AKAP13: variants seen among roughly 807,000 people sequenced by gnomAD.
AKAP13 encodes A-kinase anchoring protein 13.
AKAP13 carries 80 observed loss-of-function variants against 264.5 expected under a neutral mutation model. That is an observed-to-expected ratio of 0.30 (90% CI 0.25 to 0.36). The LOEUF is 0.36. Among genes scored for constraint, AKAP13 ranks in the 10% least tolerant of loss-of-function variants. The pLI is 1.00. For synonymous variants in AKAP13, 1,380 were observed against 1,250.2 expected (o/e 1.10, Z -2.19); for missense variants, 3,712 against 3,435.2 (o/e 1.08, Z -2.01).
In AKAP13 at chr15:85,727,869, C is replaced by T. The variant is rs535787374; in HGVS notation, c.7087+406C>T. ...GATTTAATCCTCCCCCAGTCCCTAG[C>T]GTTATCACTTATCCGCATGTTTACA... On this transcript the variant is annotated intron_variant, in intron 29 of 36. Transcript: ENST00000394518. The surrounding 1 kb of genome is among the most constrained non-coding windows in gnomAD (Gnocchi z 5.3). 3.3e-5 allele frequency among the ~76,000 whole-genome samples: 5 copies of T among 152,180 alleles called. No individual in the cohort carries two copies. The highest frequency in any genetic ancestry group is 2.0e-4 in the Admixed American group (3 of 15,278).
intron 1 of AKAP13, among the ~76,000 whole-genome samples, chr15:85,416,882 A>G (rs1039203175): frequency 2.0e-5 from 3 of 152,286 alleles, no homozygotes; most frequent in South Asian, 2.1e-4. Flanking sequence ...GGTTCTTAAA[A>G]TTGTTCTGTA....
At chr15:85,582,944 T>C (rs1221283127) in intron 7 of AKAP13, 2 of 985,324 alleles carry the variant, frequency 2.0e-6, no homozygotes, top group Non-Finnish European at 1.2e-6. Context: ...TGGGTAACCA[T>C]GTTCCGAGGC....
chr15:85,387,644 C>T (rs2070643253), intron 1 of AKAP13, among the ~76,000 whole-genome samples: 2 of 149,512 alleles, frequency 1.3e-5, no homozygotes, highest in Middle Eastern at 6.9e-3. Flanking sequence ...TTTTGATTGG[C>T]ATTGTGTTGA....
intron 16 of AKAP13, among the ~76,000 whole-genome samples, chr15:85,685,679 A>G (rs2084871119): frequency 6.6e-6 from 1 of 152,160 alleles, no homozygotes; most frequent in African/African-American, 2.4e-5. Flanking sequence ...TTGTTTGTAA[A>G]GATGAAGTCT....
intron 7 of AKAP13, among the ~76,000 whole-genome samples, chr15:85,582,507 A>G (rs749754020): frequency 4.6e-5 from 7 of 152,174 alleles, no homozygotes; most frequent in Non-Finnish European, 8.8e-5. Flanking sequence ...TGTTTTATCT[A>G]CAAGCCTGAA....
chr15:85,490,451 C>T (rs568160942), intron 2 of AKAP13, among the ~76,000 whole-genome samples: 10 of 152,284 alleles, frequency 6.6e-5, no homozygotes, highest in East Asian at 3.9e-4. Context: ...GAAGTGAAAT[C>T]GTTTGAGTCT....
intron 21 of AKAP13, 23 bp downstream of exon 21, chr15:85,717,425 A>C (rs757372353): frequency 6.6e-7 from 1 of 1,523,984 alleles, no homozygotes; most frequent in Middle Eastern, 1.7e-4. Flanking sequence ...TATGGCCTTT[A>C]TTTTATGCCT....
rs756513793 is a variant in AKAP13 at position 85,579,665 on chromosome 15, G to T, written c.1597G>T (p.Val533Phe). 3.7e-6 allele frequency: 6 copies of T among 1,614,076 alleles called. No individual in the cohort carries two copies. The highest frequency in any genetic ancestry group is 5.1e-6 in the Non-Finnish European group (6 of 1,180,036). ...VTSKPVDKIS[V>F]PNCAPAASSL... is the part of the protein sequence containing the mutation. ...AAGTAAGCCTGTGGATAAAATCAGT[G>T]TTCCAAACTGTGCCCCTGCTGCCAG... Residue 533 changes from valine (V) to phenylalanine (F), a missense_variant, in exon 7 of 37, where the codon GTT becomes TTT. Val to Phe is a conservative substitution (Grantham distance 50). This residue lies in a region of AKAP13 where 2,759 missense variants were observed against 2,411.7 expected (regional missense o/e 1.14). Transcript: ENST00000394518.
At chr15:85,730,874 C>T (rs191351307) in intron 30 of AKAP13, among the ~76,000 whole-genome samples, 167 bp downstream of exon 30, 6 of 152,284 alleles carry the variant, frequency 3.9e-5, no homozygotes, top group Admixed American at 2.6e-4. Flanking sequence ...CTTTTAACCA[C>T]TACTCACATC....
intron 1 of AKAP13, among the ~76,000 whole-genome samples, chr15:85,411,729 G>T (rs766175557): frequency 1.3e-5 from 2 of 152,170 alleles, no homozygotes; most frequent in Non-Finnish European, 2.9e-5. Flanking sequence ...GAGCCACCGC[G>T]CCCGGCCAAC....
chr15:85,415,376 A>G, intron 1 of AKAP13: 1 of 1,597,738 alleles, frequency 6.3e-7, no homozygotes, highest in Non-Finnish European at 8.6e-7. Context: ...GTGATGGCAA[A>G]AACCTCACCA....
At chr15:85,607,407 CTT>C (rs937703296) in intron 8 of AKAP13, among the ~76,000 whole-genome samples, 1 of 152,148 alleles carries the variant, frequency 6.6e-6, no homozygotes, top group South Asian at 2.1e-4. Flanking sequence ...TAAATACCTC[CTT>C]TTAAAAAATA....
At chr15:85,709,563 A>G (rs1027803414) in intron 18 of AKAP13, among the ~76,000 whole-genome samples, 1 of 152,152 alleles carries the variant, frequency 6.6e-6, no homozygotes, top group African/African-American at 2.4e-5. Context: ...GTGATCTCTG[A>G]TAAGACTCAA....
Position 85,575,287 on chromosome 15 carries a change from T to C in AKAP13, c.819T>C (p.Thr273=), listed in dbSNP as rs1425012166. The change falls in exon 6 of 37, where the codon ACT becomes ACC. Residue 273 remains threonine, a synonymous_variant. Transcript: ENST00000394518. The part of the protein sequence containing the change: ...HEHPFPGDGC[T]GPIFKLMNIQ... ...ACCCATTTCCTGGAGACGGTTGCAC[T>C]GGACCAATTTTTAAACTTATGAACA... 1.2e-6 allele frequency: 2 copies of C among 1,614,190 alleles called. No individual in the cohort carries two copies.
chr15:85,682,009 C>CT (rs1416096083), intron 14 of AKAP13, 149 bp from the exon 15 acceptor site: 1 of 687,768 alleles, frequency 1.5e-6, no homozygotes. Context: ...ATTTTTCCTT[C>CT]TTTCAAACCT....
intron 1 of AKAP13, among the ~76,000 whole-genome samples, chr15:85,418,049 TATTATTATTATTATTATC>T (rs1465840151): frequency 2.1e-5 from 3 of 143,526 alleles, no homozygotes; most frequent in East Asian, 2.0e-4. Flanking sequence ...CTTCATTATT[TATTATTATTATTATTATC>T]ATTATTATTA....
rs957252451 is a variant in AKAP13 at position 85,745,390 on chromosome 15, G to C, written c.*713G>C. On this transcript the variant is annotated 3_prime_UTR_variant, in exon 37 of 37. Coordinates refer to ENST00000394518, the MANE Select transcript of AKAP13 (RefSeq NM_007200.5). ...TAAAAGACGTGATGTGCACCACCTC[G>C]ATCTCGGTGTTTCAGGCACTAAAGC... 6.6e-6 allele frequency: 1 copy of C among 152,130 alleles called. No individual in the cohort carries two copies. The highest frequency in any genetic ancestry group is 2.4e-5 in the African/African-American group (1 of 41,416). 9.4% of individuals were successfully genotyped at this position (152,130 alleles called of 1,614,324 possible). A position where few individuals can be genotyped will look rare whatever the true frequency, so the allele number is the denominator to read the frequency against.
intron 13 of AKAP13, among the ~76,000 whole-genome samples, chr15:85,665,889 A>G (rs1372322320): frequency 6.6e-6 from 1 of 152,178 alleles, no homozygotes; most frequent in Non-Finnish European, 1.5e-5. Context: ...ATAGTATTCC[A>G]TGGTGTATAT....
rs756619822 is a variant in AKAP13, at chr15:85,580,503, G to A, written c.2435G>A (p.Gly812Glu). 6.2e-7 allele frequency: 1 copy of A among 1,614,208 alleles called. No homozygotes were observed. The highest frequency in any genetic ancestry group is 1.1e-5 in the South Asian group (1 of 91,072). Residue 812 changes from glycine to glutamate, a missense_variant, in exon 7 of 37, where the codon GGA becomes GAA. By Grantham distance (98) the Gly-to-Glu change is moderately conservative (BLOSUM62 -2). Around this residue, in one of 3 missense-constraint regions of AKAP13, gnomAD observed 2,759 missense variants for 2,411.7 expected, o/e 1.14. Transcript: ENST00000394518. The part of the protein sequence containing the change: ...LSFVPSQKEK[G>E]TATPELHTAT... ...TTTGTCCCCTCCCAGAAAGAAAAGG[G>A]AACAGCAACTCCTGAACTACATACA...
Sources: gnomAD v4.1 joint callset for allele counts (sites outside exome capture counted in the v4.1 genomes callset) on GRCh38, gnomAD v4.1.1 for gene constraint, gnomAD v4.1.1 regional missense constraint, Gnocchi (gnomAD v3.1) non-coding constraint, MANE v1.5 for transcripts, NCBI Gene and HGNC (gene_info 2026-07-23, HGNC 2026-07-21) for gene names.